The following UACA variants were observed in gnomAD, a reference collection of about 807,000 sequenced individuals.
The protein encoded by UACA is uveal autoantigen with coiled-coil domains and ankyrin repeats, also known as nuclear membrane binding protein.
In UACA, 112 loss-of-function variants were observed where a neutral mutation model predicts 160.5. The observed-to-expected ratio is 0.70, with a 90% confidence interval of 0.60 to 0.82. The LOEUF is 0.82. Among genes scored for constraint, UACA ranks in the 40% least tolerant of loss-of-function variants. The pLI is 0.00. For missense variants in UACA, 1,574 were observed against 1,614.6 expected (o/e 0.97, Z 0.43); for synonymous variants, 557 against 568.4 (o/e 0.98, Z 0.29).
Position 70,669,038 on chromosome 15 carries a change from A to C in UACA, c.1646T>G (p.Leu549Trp). 1 of 1,613,878 alleles carries C rather than the reference A, an allele frequency of 6.2e-7. No homozygotes were observed. The highest frequency in any genetic ancestry group is 8.5e-7 in the Non-Finnish European group (1 of 1,179,988). ...TEELKDQLKDLKVKYEGASAE... is the reference protein window; with the variant it reads ...TEELKDQLKDWKVKYEGASAE... Reference sequence around the variant, plus strand: ...TGAAGCACCTTCATATTTTACTTTCAAGTCTTTCAACTGATCCTTCAGTTC... The same window carrying C: ...TGAAGCACCTTCATATTTTACTTTCCAGTCTTTCAACTGATCCTTCAGTTC... Residue 549 changes from leucine to tryptophan, a missense_variant, in exon 16 of 19, where the codon TTG (leucine) becomes TGG (tryptophan). Coordinates refer to ENST00000322954, the MANE Select transcript of UACA (RefSeq NM_018003.4).
chr15:70,768,892 C>G, the UACA span, among the ~76,000 whole-genome samples: 192 of 152,164 alleles, frequency 1.3e-3, 3 homozygotes, highest in East Asian at 0.035. Flanking sequence ...TATTTTTTCC[C>G]CTCCAGATTT....
chr15:70,720,186 T>C (rs952575495), intron 1 of UACA, among the ~76,000 whole-genome samples: 8 of 152,210 alleles, frequency 5.3e-5, no homozygotes, highest in Admixed American at 1.3e-4. Context: ...GCCCTGATTG[T>C]AGTTTACTGA....
intron 2 of UACA, among the ~76,000 whole-genome samples, chr15:70,697,557 T>A (rs1898174069): frequency 6.6e-6 from 1 of 152,210 alleles, no homozygotes; most frequent in African/African-American, 2.4e-5. Context: ...AAGAAGCACA[T>A]GTTCTTTTGT....
chr15:70,726,054 A>T (rs1899135360), intron 1 of UACA, among the ~76,000 whole-genome samples: 2 of 152,182 alleles, frequency 1.3e-5, no homozygotes, highest in African/African-American at 4.8e-5. Flanking sequence ...AATCTTATTC[A>T]TTCCCACTGT....
intron 1 of UACA, among the ~76,000 whole-genome samples, chr15:70,737,611 G>A (rs1464013185): frequency 1.3e-5 from 2 of 152,152 alleles, no homozygotes; most frequent in Non-Finnish European, 2.9e-5. Flanking sequence ...GGAAGGCTGA[G>A]GCAGGAGAAT....
At chr15:70,660,083 T>G (rs556413748) in intron 18 of UACA, 68 bp downstream of exon 18, 3 of 1,320,690 alleles carry the variant, frequency 2.3e-6, no homozygotes, top group East Asian at 5.0e-5. Flanking sequence ...TTCACATAAA[T>G]TTATTTGAAA....
intron 1 of UACA, among the ~76,000 whole-genome samples, chr15:70,727,193 T>A (rs969254928): frequency 2.6e-5 from 4 of 152,134 alleles, no homozygotes; most frequent in Non-Finnish European, 5.9e-5. Flanking sequence ...TCCAACAGTA[T>A]AAAGAAGGGT....
chr15:70,694,476 G>C (rs1898057063), intron 3 of UACA, among the ~76,000 whole-genome samples: 1 of 152,154 alleles, frequency 6.6e-6, no homozygotes, highest in African/African-American at 2.4e-5. Flanking sequence ...TACAGATTCT[G>C]ACTGCGACTT....
At chr15:70,688,706 C>A (rs1258486085) in intron 5 of UACA, among the ~76,000 whole-genome samples, 1 of 151,876 alleles carries the variant, frequency 6.6e-6, no homozygotes, top group East Asian at 1.9e-4. Flanking sequence ...ATAATAAATT[C>A]CAGAGTTTAC....
At chr15:70,723,832 T>A (rs182655024) in intron 1 of UACA, among the ~76,000 whole-genome samples, 5 of 151,870 alleles carry the variant, frequency 3.3e-5, no homozygotes, top group Admixed American at 3.3e-4. Flanking sequence ...CGGGGTTTCA[T>A]CATGTTGGCC....
chr15:70,773,302 T>C, the UACA span, among the ~76,000 whole-genome samples: 101 of 152,224 alleles, frequency 6.6e-4, 2 homozygotes, highest in South Asian at 2.7e-3. Context: ...TCCATCACTT[T>C]TGGGGAGAGA....
At chr15:70,718,028 T>TAC (rs140483075) in intron 1 of UACA, among the ~76,000 whole-genome samples, 13,329 of 142,546 alleles carry the variant, frequency 0.094, 592 homozygotes, top group East Asian at 0.16. Context: ...AATTTCTTTA[T>TAC]ACACACACAC....
chr15:70,702,180 C>G, intron 1 of UACA: 1 of 1,211,620 alleles, frequency 8.3e-7, no homozygotes, highest in Middle Eastern at 2.5e-4. Flanking sequence ...GTAACTCTAT[C>G]TATTTCTTAT....
chr15:70,763,492 G>T lies in UACA; in HGVS notation c.-85C>A. On this transcript the variant is annotated 5_prime_UTR_variant, in exon 1 of 19. The change creates a new upstream start codon in the 5' untranslated region. Transcript: ENST00000322954. ...GGAGTAGACGGCAGCGGCTGCAGCA[G>T]AGGCGGCGCGGGCTGTACCAGCCCC... The T allele has an allele frequency of 7.9e-7, 1 of 1,258,000 alleles. No individual in the cohort carries two copies. The allele number at this position is 1,258,000 out of a possible 1,614,324, so 77.9% of individuals were successfully genotyped here.
Position 70,667,382 on chromosome 15 carries a change from AG to A in UACA, c.3301del (p.Ala1102GlnfsTer19), listed in dbSNP as rs774725796. On this transcript the variant is annotated frameshift_variant, in exon 16 of 19. Transcript: ENST00000322954. LOFTEE classifies it high-confidence loss of function. ...TTTTTGCAAAAGATTTTGCACTGCA[AG>A]TATCTCAGAAGTCTGTTTGGCATTT... ...EENAKQTSEI[L>X]AVQNLLQKQH... is the part of the protein sequence containing the mutation. The A allele has an allele frequency of 6.2e-7, 1 of 1,612,686 alleles. No individual in the cohort carries two copies. Among genetic ancestry groups the A allele is most frequent in the Admixed American group, 1.7e-5 (1 of 59,948 alleles).
At position 70,687,782 on chromosome 15, in the gene UACA, C is replaced by T; in HGVS notation, c.463G>A (p.Asp155Asn). The T allele has an allele frequency of 6.2e-7, 1 of 1,613,752 alleles. No homozygotes were observed. Residue 155 changes from aspartate (D) to asparagine (N), a missense_variant, in exon 6 of 19, where the codon GAC becomes AAC. Coordinates refer to ENST00000322954, the MANE Select transcript of UACA (RefSeq NM_018003.4). ...TTGGCATTCACAGAGGCCCCATGGT[C>T]ACAAAGCAGCTGTATGCTAGAAGGA... ...DCPSSIQLLC[D>N]HGASVNAKDV... is the part of the protein sequence containing the mutation.
chr15:70,718,323 A>AG (rs1491099807), intron 1 of UACA, among the ~76,000 whole-genome samples: 1 of 15,604 alleles, frequency 6.4e-5, no homozygotes, highest in African/African-American at 1.7e-4. Context: ...AGAGAGAGAG[A>AG]ATGTGTGTGT....
At position 70,684,339 on chromosome 15, in the gene UACA, G is replaced by T; in HGVS notation, c.710C>A (p.Ser237Tyr). 6.2e-7 allele frequency: 1 copy of T among 1,613,748 alleles called. No homozygotes were observed. The highest frequency in any genetic ancestry group is 8.5e-7 in the Non-Finnish European group (1 of 1,179,814). The change falls in exon 8 of 19, where the codon TCT becomes TAT. Residue 237 changes from serine (S) to tyrosine (Y), a missense_variant. Ser to Tyr is a moderately radical substitution (Grantham distance 144, BLOSUM62 -2). Coordinates refer to ENST00000322954, the MANE Select transcript of UACA (RefSeq NM_018003.4). ...SLLDALGHDS[S>Y]YYARIGDNLD... is the part of the protein sequence containing the mutation. ...ATTGTCACCAATTCTTGCATAGTAA[G>T]AACTATCATGGCCAAGCGCATCCAG...
At chr15:70,663,841 GGGGAACATCACACACT>G (rs1178583838) in intron 17 of UACA, among the ~76,000 whole-genome samples, 1 of 136,198 alleles carries the variant, frequency 7.3e-6, no homozygotes, top group Admixed American at 7.8e-5. Context: ...GACACAGGAA[GGGGAACATCACACACT>G]GGGGCCTGTT....
Sources: gnomAD v4.1 joint callset for allele counts (sites outside exome capture counted in the v4.1 genomes callset) on GRCh38, gnomAD v4.1.1 for gene constraint, MANE v1.5 for transcripts, NCBI Gene and HGNC (gene_info 2026-07-23, HGNC 2026-07-21) for gene names.